PTPN4: variants seen among roughly 807,000 people sequenced by gnomAD.
PTPN4 encodes the protein tyrosine-protein phosphatase non-receptor type 4.
A neutral mutation model predicts 135.5 loss-of-function variants in PTPN4; 49 were observed. That is an observed-to-expected ratio of 0.36 (90% CI 0.29 to 0.46). PTPN4 has a LOEUF of 0.46. Among genes scored for constraint, PTPN4 ranks in the 20% least tolerant of loss-of-function variants. The pLI is 1.00. For missense variants in PTPN4, 860 were observed against 1,101.0 expected, an observed-to-expected ratio of 0.78 and a Z score of 3.10; for synonymous variants, 333 against 369.9, an observed-to-expected ratio of 0.90 and a Z score of 1.14.
At position 119,929,838 on chromosome 2, in the gene PTPN4, G is replaced by A. The variant is rs151013682; in HGVS notation, c.1071-2586G>A. Among the ~76,000 whole-genome samples the A allele has an allele frequency of 3.5e-3, 537 of 152,238 alleles. 5 individuals carry two copies. The highest frequency in any genetic ancestry group is 0.013 in the African/African-American group (520 of 41,546). On this transcript the variant is annotated intron_variant, in intron 13 of 26. Transcript: ENST00000263708. Reference sequence around the variant, plus strand: ...TTCTGACGCTTCAGACTAGGTGAGTGTGCTGGAATTTTTTTTCTTCAAATG... The same window carrying A: ...TTCTGACGCTTCAGACTAGGTGAGTATGCTGGAATTTTTTTTCTTCAAATG...
At chr2:119,776,464 G>A (rs1056402466) in intron 1 of PTPN4, among the ~76,000 whole-genome samples, 1 of 152,104 alleles carries the variant, frequency 6.6e-6, no homozygotes, top group African/African-American at 2.4e-5. Flanking sequence ...GTAAGCCACC[G>A]CACCTGGCCC....
At chr2:119,785,202 A>G (rs935085015) in intron 1 of PTPN4, among the ~76,000 whole-genome samples, 11 of 152,204 alleles carry the variant, frequency 7.2e-5, no homozygotes, top group Admixed American at 5.2e-4. Context: ...CGTGGAGGAC[A>G]AACTTGCCCC....
At chr2:119,897,336 A>C (rs1678339948) in intron 9 of PTPN4, among the ~76,000 whole-genome samples, 1 of 152,138 alleles carries the variant, frequency 6.6e-6, no homozygotes, top group African/African-American at 2.4e-5. Context: ...CCATTTCTCC[A>C]AGAAGCCCTT....
At chr2:119,976,249 G>T (rs1020511315) in intron 26 of PTPN4, among the ~76,000 whole-genome samples, 1 of 151,900 alleles carries the variant, frequency 6.6e-6, no homozygotes, top group African/African-American at 2.4e-5. Context: ...CACCCACCTT[G>T]GCCTCCCAAA....
intron 1 of PTPN4, among the ~76,000 whole-genome samples, chr2:119,761,826 G>A (rs1284842820): frequency 6.6e-6 from 1 of 152,114 alleles, no homozygotes; most frequent in African/African-American, 2.4e-5. Flanking sequence ...CTATTTTGTA[G>A]TTTTTAAAAA....
intron 14 of PTPN4, 72 bp from the exon 15 acceptor site, chr2:119,934,728 C>A (rs942719392): frequency 6.9e-7 from 1 of 1,459,272 alleles, no homozygotes; most frequent in Non-Finnish European, 9.5e-7. Context: ...TCTGATGTAA[C>A]CATATATTAA....
chr2:119,870,523 A>G (rs1677895250), intron 3 of PTPN4, among the ~76,000 whole-genome samples: 1 of 152,194 alleles, frequency 6.6e-6, no homozygotes, highest in African/African-American at 2.4e-5. Context: ...GAGAATCTGG[A>G]TAAACTTAGC....
At chr2:119,811,230 A>C (rs1230663707) in intron 2 of PTPN4, among the ~76,000 whole-genome samples, 1 of 152,154 alleles carries the variant, frequency 6.6e-6, no homozygotes, top group Non-Finnish European at 1.5e-5. Context: ...AAAGTATAAT[A>C]ATACAAAAAA....
intron 1 of PTPN4, among the ~76,000 whole-genome samples, chr2:119,766,444 G>GCA (rs1558718845): frequency 1.1e-4 from 4 of 35,174 alleles, no homozygotes; most frequent in Non-Finnish European, 2.3e-4. Flanking sequence ...ATGCGCATGT[G>GCA]CGCGCGTGTG....
At chr2:119,916,445 C>T (rs1474980300) in intron 11 of PTPN4, 2 of 151,956 alleles carry the variant, frequency 1.3e-5, no homozygotes, top group African/African-American at 4.8e-5. Context: ...TATGGTTTAT[C>T]GTTTATGTTC....
chr2:119,887,375 T>G (rs1678175372), intron 9 of PTPN4, among the ~76,000 whole-genome samples: 1 of 152,128 alleles, frequency 6.6e-6, no homozygotes. Flanking sequence ...TAGTCCCAGC[T>G]ACTCAGGAGG....
intron 2 of PTPN4, among the ~76,000 whole-genome samples, chr2:119,836,156 C>T (rs1303093135): frequency 6.6e-6 from 1 of 152,040 alleles, no homozygotes; most frequent in African/African-American, 2.4e-5. Flanking sequence ...AGTGTCTTTC[C>T]AGTGAAGATA....
intron 9 of PTPN4, among the ~76,000 whole-genome samples, chr2:119,900,094 A>G (rs953562243): frequency 6.6e-6 from 1 of 152,110 alleles, no homozygotes; most frequent in Non-Finnish European, 1.5e-5. Context: ...TCATTAGTGT[A>G]GGTTAGCTAT....
At chr2:119,888,429 T>G (rs1018521172) in intron 9 of PTPN4, among the ~76,000 whole-genome samples, 1 of 152,298 alleles carries the variant, frequency 6.6e-6, no homozygotes, top group Admixed American at 6.5e-5. Context: ...TTTCCAGTTC[T>G]TAGGGGGAAC....
intron 8 of PTPN4, among the ~76,000 whole-genome samples, chr2:119,885,124 C>G (rs1378810965): frequency 5.9e-5 from 9 of 151,984 alleles, no homozygotes; most frequent in Non-Finnish European, 1.3e-4. Flanking sequence ...CTTCTTAAAC[C>G]ATCTGTGATG....
intron 1 of PTPN4, among the ~76,000 whole-genome samples, chr2:119,770,982 C>T (rs1042656716): frequency 3.6e-4 from 55 of 151,522 alleles, no homozygotes; most frequent in African/African-American, 1.3e-3. Context: ...TGGGTTCAAG[C>T]GATTCTCCTG....
chr2:119,840,211 TAGG>T (rs1677359375), intron 2 of PTPN4, among the ~76,000 whole-genome samples: 1 of 152,148 alleles, frequency 6.6e-6, no homozygotes, highest in Admixed American at 6.5e-5. Context: ...TCCCATCACC[TAGG>T]TATTAAGCCT....
Position 119,945,161 on chromosome 2 carries a change from A to T in PTPN4, c.1436A>T (p.His479Leu). The part of the protein sequence containing the change: ...QSKKNSWNQI[H>L]YSHSQQDLES... ...AAGAAAAACAGTTGGAACCAAATTC[A>T]TTATTCACATTCGCAACAAGATCTA... The change falls in exon 16 of 27, where the codon CAT becomes CTT. Residue 479 changes from histidine to leucine, a missense_variant. Transcript: ENST00000263708. 1.2e-6 allele frequency: 2 copies of T among 1,600,344 alleles called. No homozygotes were observed. The highest frequency in any genetic ancestry group is 1.7e-6 in the Non-Finnish European group (2 of 1,174,240).
intron 2 of PTPN4, among the ~76,000 whole-genome samples, chr2:119,831,599 A>C (rs1339490722): frequency 2.0e-5 from 3 of 152,174 alleles, no homozygotes; most frequent in Non-Finnish European, 4.4e-5. Flanking sequence ...CCCTTTGGTC[A>C]TTGTATAATA....
Sources: gnomAD v4.1 joint callset for allele counts (sites outside exome capture counted in the v4.1 genomes callset) on GRCh38, gnomAD v4.1.1 for gene constraint, MANE v1.5 for transcripts, NCBI Gene and HGNC (gene_info 2026-07-23, HGNC 2026-07-21) for gene names.